The following RANBP2 variants were observed in gnomAD, a reference collection of about 807,000 sequenced individuals.
The protein encoded by RANBP2 is E3 SUMO-protein ligase RanBP2.
Under a neutral mutation model 303.6 loss-of-function variants are expected in RANBP2, and 57 were observed. The observed-to-expected ratio is 0.19, with a 90% CI of 0.15 to 0.23. The LOEUF (loss-of-function observed/expected upper bound fraction) is 0.23, where lower values mean the gene tolerates loss of function less well. Among genes scored for constraint, RANBP2 ranks in the 10% least tolerant of loss-of-function variants. The pLI is 1.00. For missense variants in RANBP2, 3,138 were observed against 3,780.8 expected, an observed-to-expected ratio of 0.83 and a Z score of 4.46; for synonymous variants, 1,167 against 1,301.5, an observed-to-expected ratio of 0.90 and a Z score of 2.23.
chr2:109,186,901 C>T, the RANBP2 span, among the ~76,000 whole-genome samples: 1 of 152,190 alleles, frequency 6.6e-6, no homozygotes, highest in Admixed American at 6.5e-5. Context: ...CATATATTCA[C>T]CCAGTTTATA....
the RANBP2 span, among the ~76,000 whole-genome samples, chr2:109,357,182 T>C: frequency 6.6e-6 from 1 of 150,432 alleles, no homozygotes; most frequent in African/African-American, 2.5e-5. Flanking sequence ...TTGTTTTTTG[T>C]TTTTTGGTTT....
chr2:109,401,957 C>T, the RANBP2 span, among the ~76,000 whole-genome samples: 231 of 152,334 alleles, frequency 1.5e-3, 2 homozygotes, highest in African/African-American at 1.8e-3. Context: ...CGACTTGAAG[C>T]GAAAGTCATG....
At chr2:108,951,801 C>A in the RANBP2 span, among the ~76,000 whole-genome samples, 7 of 152,148 alleles carry the variant, frequency 4.6e-5, no homozygotes, top group African/African-American at 1.4e-4. Flanking sequence ...ATATCAGAAC[C>A]AATGCCTGTG....
the RANBP2 span, among the ~76,000 whole-genome samples, chr2:109,352,401 G>C: frequency 3.3e-5 from 5 of 152,186 alleles, no homozygotes; most frequent in Admixed American, 3.3e-4. Context: ...GGATTGCCTG[G>C]GGGTAGCGGA....
the RANBP2 span, among the ~76,000 whole-genome samples, chr2:109,676,807 G>A: frequency 2.0e-5 from 3 of 152,138 alleles, no homozygotes; most frequent in East Asian, 1.9e-4. Flanking sequence ...CTGAGAATAC[G>A]CTCTCAGACA....
Position 108,736,183 on chromosome 2 carries a change from A to G in RANBP2, c.716A>G (p.Tyr239Cys), listed in dbSNP as rs1435847291. 4 of 1,611,844 alleles carry G rather than the reference A, an allele frequency of 2.5e-6. No homozygotes were observed. The highest frequency in any genetic ancestry group is 2.2e-5 in the East Asian group (1 of 44,874). Residue 239 changes from tyrosine to cysteine, a missense_variant, in exon 6 of 29, where the codon TAT becomes TGT. Around this residue, in one of 20 missense-constraint regions of RANBP2, gnomAD observed 306 missense variants for 381.9 expected, o/e 0.80. Coordinates refer to ENST00000283195, the MANE Select transcript of RANBP2 (RefSeq NM_006267.5). ...ACCAATACAGACTTACTGCTGGCCTATGCTAATCTTATGCTTCTTACGCTT... is the reference window on the plus strand; with the variant it reads ...ACCAATACAGACTTACTGCTGGCCTGTGCTAATCTTATGCTTCTTACGCTT... Reference protein sequence around the residue: ...RATNTDLLLAYANLMLLTLST... With the variant: ...RATNTDLLLACANLMLLTLST...
chr2:109,000,249 G>A, the RANBP2 span, among the ~76,000 whole-genome samples: 2 of 152,186 alleles, frequency 1.3e-5, no homozygotes, highest in African/African-American at 2.4e-5. Flanking sequence ...GTCCTAGGCC[G>A]GGCACGGTGG....
the RANBP2 span, among the ~76,000 whole-genome samples, chr2:108,813,662 CT>C: frequency 2.0e-5 from 3 of 151,992 alleles, no homozygotes; most frequent in African/African-American, 7.3e-5. Flanking sequence ...TGCAGAAATC[CT>C]TTAGTGTAAA....
At chr2:109,111,852 A>T in the RANBP2 span, among the ~76,000 whole-genome samples, 2 of 140,666 alleles carry the variant, frequency 1.4e-5, no homozygotes, top group South Asian at 4.4e-4. Context: ...CTCATTGTTC[A>T]GTTCCCACCT....
chr2:109,023,319 C>T, the RANBP2 span, among the ~76,000 whole-genome samples: 4 of 152,162 alleles, frequency 2.6e-5, no homozygotes, highest in African/African-American at 7.2e-5. Context: ...CAAATATGAC[C>T]TAGGAAACAG....
the RANBP2 span, among the ~76,000 whole-genome samples, chr2:108,912,418 G>A: frequency 6.6e-6 from 1 of 152,130 alleles, no homozygotes; most frequent in Non-Finnish European, 1.5e-5. Flanking sequence ...TGCCTGTGCT[G>A]TCCACCTGCC....
At chr2:108,954,857 T>G in the RANBP2 span, among the ~76,000 whole-genome samples, 3 of 152,044 alleles carry the variant, frequency 2.0e-5, no homozygotes, top group Admixed American at 6.6e-5. Context: ...TGTATACATG[T>G]ATTTTTAATT....
the RANBP2 span, among the ~76,000 whole-genome samples, chr2:109,751,490 C>T: frequency 1.3e-5 from 2 of 148,242 alleles, no homozygotes; most frequent in Admixed American, 1.3e-4. Context: ...GAAGTCCAGG[C>T]CCCCCTCAAT....
chr2:108,822,439 T>C, the RANBP2 span, among the ~76,000 whole-genome samples: 1 of 152,130 alleles, frequency 6.6e-6, no homozygotes, highest in Non-Finnish European at 1.5e-5. Context: ...AACAACATAA[T>C]AAATTAACTC....
the RANBP2 span, among the ~76,000 whole-genome samples, chr2:109,370,136 T>C: frequency 6.6e-6 from 1 of 152,098 alleles, no homozygotes; most frequent in Non-Finnish European, 1.5e-5. Context: ...GGAACAGAGG[T>C]TCGCCAAAGG....
chr2:109,545,060 T>C, the RANBP2 span: 11 of 985,346 alleles, frequency 1.1e-5, no homozygotes, highest in Non-Finnish European at 1.3e-5. Context: ...TTTCCTATTT[T>C]AAAGTTGAGT....
chr2:108,952,307 AG>A, the RANBP2 span, among the ~76,000 whole-genome samples: 1 of 152,222 alleles, frequency 6.6e-6, no homozygotes, highest in African/African-American at 2.4e-5. Flanking sequence ...GGTAGAAGGT[AG>A]TTTGGTGACT....
the RANBP2 span, among the ~76,000 whole-genome samples, chr2:109,736,571 G>A: frequency 2.0e-5 from 3 of 152,094 alleles, no homozygotes; most frequent in Non-Finnish European, 4.4e-5. Flanking sequence ...GACGGACTAC[G>A]CAGCAACGCC....
the RANBP2 span, among the ~76,000 whole-genome samples, chr2:108,807,988 G>C: frequency 6.6e-6 from 1 of 152,116 alleles, no homozygotes; most frequent in Non-Finnish European, 1.5e-5. Flanking sequence ...CCAACCTCTA[G>C]TAACCAATAT....
Sources: allele counts gnomAD v4.1 joint callset (sites outside exome capture counted in the v4.1 genomes callset), GRCh38; gene constraint gnomAD v4.1.1; regional missense constraint gnomAD v4.1.1; transcripts MANE v1.5; gene names NCBI Gene and HGNC (gene_info 2026-07-23, HGNC 2026-07-21).